Variants in FBXL17 observed in about 807,000 individuals in gnomAD.
FBXL17 encodes the protein F-box/LRR-repeat protein 17.
FBXL17 carries 22 observed loss-of-function variants against 66.2 expected under a neutral mutation model. The observed-to-expected ratio is 0.33, with a 90% confidence interval of 0.24 to 0.47. The LOEUF is 0.47. Ranked by LOEUF, FBXL17 falls within the 20% of genes least tolerant of loss-of-function variation. The pLI is 1.00. For synonymous variants in FBXL17, 474 were observed against 400.5 expected (o/e 1.18, Z -2.19); for missense variants, 878 against 948.2 (o/e 0.93, Z 0.97).
At chr5:108,017,867 C>A (rs1228539409) in intron 7 of FBXL17, among the ~76,000 whole-genome samples, 2 of 152,106 alleles carry the variant, frequency 1.3e-5, no homozygotes, top group Non-Finnish European at 2.9e-5. Context: ...AGCCTATTAG[C>A]ATGATCGTTT....
chr5:107,917,653 T>TGC (rs1171138039), intron 7 of FBXL17, among the ~76,000 whole-genome samples: 1 of 152,218 alleles, frequency 6.6e-6, no homozygotes, highest in African/African-American at 2.4e-5. Flanking sequence ...AAGAAACTAG[T>TGC]GCCAAGACGG....
intron 7 of FBXL17, among the ~76,000 whole-genome samples, chr5:107,965,425 T>C (rs996338433): frequency 2.0e-5 from 3 of 152,144 alleles, no homozygotes; most frequent in African/African-American, 4.8e-5. Context: ...ATTATAACAA[T>C]GCCTGTTAAA....
chr5:107,879,406 A>AGC, intron 8 of FBXL17: 1 of 985,460 alleles, frequency 1.0e-6, no homozygotes, highest in Non-Finnish European at 1.2e-6. Flanking sequence ...CAGGGTTAGC[A>AGC]GCGGCATTAG....
chr5:108,199,036 T>C (rs1245707151), intron 5 of FBXL17, among the ~76,000 whole-genome samples: 1 of 152,120 alleles, frequency 6.6e-6, no homozygotes, highest in African/African-American at 2.4e-5. Flanking sequence ...AAAACTGCTC[T>C]CTCAACCAAT....
chr5:108,104,721 CACA>C (rs1175251298), intron 6 of FBXL17, among the ~76,000 whole-genome samples: 1 of 152,146 alleles, frequency 6.6e-6, no homozygotes, highest in Non-Finnish European at 1.5e-5. Flanking sequence ...AAAGCAAGTG[CACA>C]ACAACATATA....
intron 5 of FBXL17, among the ~76,000 whole-genome samples, chr5:108,203,922 T>C (rs547480040): frequency 2.6e-5 from 4 of 152,298 alleles, no homozygotes; most frequent in Non-Finnish European, 5.9e-5. Flanking sequence ...TAAAAACATT[T>C]AACATTTCCA....
intron 7 of FBXL17, among the ~76,000 whole-genome samples, chr5:107,946,255 TTATATATATATATATA>T (rs55643516): frequency 0.012 from 483 of 40,384 alleles, 8 homozygotes; most frequent in East Asian, 0.036. Context: ...CAATCTCATT[TTATATATATATATATA>T]TATATATATA....
At chr5:108,025,708 C>A (rs1271906393) in intron 6 of FBXL17, among the ~76,000 whole-genome samples, 8 of 128,920 alleles carry the variant, frequency 6.2e-5, no homozygotes, top group African/African-American at 2.4e-4. Context: ...CACACAAACA[C>A]ACACACACAC....
At chr5:107,954,237 A>G (rs1415421111) in intron 7 of FBXL17, among the ~76,000 whole-genome samples, 1 of 152,274 alleles carries the variant, frequency 6.6e-6, no homozygotes, top group East Asian at 1.9e-4. Context: ...GAGAAAAGTT[A>G]TGCACAAAAT....
intron 6 of FBXL17, among the ~76,000 whole-genome samples, chr5:108,159,847 C>G (rs1012209659): frequency 1.3e-5 from 2 of 151,858 alleles, no homozygotes; most frequent in African/African-American, 4.8e-5. Context: ...AGCCAAAATC[C>G]CCTAAATACT....
chr5:108,258,950 T>C (rs1267831758), intron 4 of FBXL17, among the ~76,000 whole-genome samples: 2 of 152,064 alleles, frequency 1.3e-5, no homozygotes, highest in Non-Finnish European at 2.9e-5. Flanking sequence ...AAAGCTGTAA[T>C]ATGCTTTATC....
rs1748171490 is a variant in FBXL17, at chr5:107,863,035, C to T, written c.1966-1175G>A. On this transcript the variant is annotated intron_variant, in intron 8 of 8. Coordinates refer to ENST00000542267, the MANE Select transcript of FBXL17 (RefSeq NM_001163315.3). ...CATTTCTCTACTTAAGACTTGCTTG[C>T]GTTTAAGTGAACTTTTATTCCAAAT... 2.6e-5 allele frequency among the ~76,000 whole-genome samples: 4 copies of T among 151,428 alleles called. 1 individual carries two copies. Among genetic ancestry groups the T allele is most frequent in the South Asian group, 2.1e-4 (1 of 4,808 alleles).
intron 4 of FBXL17, among the ~76,000 whole-genome samples, chr5:108,343,147 C>T (rs182946833): frequency 2.0e-4 from 31 of 152,312 alleles, no homozygotes; most frequent in African/African-American, 7.2e-4. Context: ...ACTTGTCAGC[C>T]TCCAGATCTG....
intron 4 of FBXL17, among the ~76,000 whole-genome samples, chr5:108,257,322 T>C (rs1225347125): frequency 6.6e-6 from 1 of 152,146 alleles, no homozygotes; most frequent in East Asian, 1.9e-4. Context: ...GATTTCTGAT[T>C]ACTCATTGAA....
intron 4 of FBXL17, among the ~76,000 whole-genome samples, chr5:108,327,828 G>T (rs80124395): frequency 0.041 from 6,296 of 152,146 alleles, 755 homozygotes; most frequent in East Asian, 0.39. Flanking sequence ...GAAGAAAAAC[G>T]GCAGTTGGGA....
chr5:108,097,802 A>C (rs913685767), intron 6 of FBXL17, among the ~76,000 whole-genome samples: 1 of 142,710 alleles, frequency 7.0e-6, no homozygotes, highest in Non-Finnish European at 1.5e-5. Flanking sequence ...AAAAAAAATT[A>C]TATCTTCAGA....
At chr5:108,202,214 C>G (rs1561461781) in intron 5 of FBXL17, among the ~76,000 whole-genome samples, 1 of 152,046 alleles carries the variant, frequency 6.6e-6, no homozygotes, top group South Asian at 2.1e-4. Flanking sequence ...TTTGTTAGGA[C>G]TTTTATAAAC....
chr5:108,218,996 A>G (rs1754731851), intron 5 of FBXL17, among the ~76,000 whole-genome samples: 1 of 152,176 alleles, frequency 6.6e-6, no homozygotes, highest in Non-Finnish European at 1.5e-5. Flanking sequence ...GATAAACTCT[A>G]ATTAGGTCAT....
intron 4 of FBXL17, among the ~76,000 whole-genome samples, chr5:108,330,573 G>C (rs934684786): frequency 2.6e-5 from 4 of 151,978 alleles, no homozygotes; most frequent in African/African-American, 7.2e-5. Context: ...AACAAATATA[G>C]ATTTCCTAGA....
Sources: allele counts gnomAD v4.1 joint callset (sites outside exome capture counted in the v4.1 genomes callset), GRCh38; gene constraint gnomAD v4.1.1; transcripts MANE v1.5; gene names NCBI Gene and HGNC (gene_info 2026-07-23, HGNC 2026-07-21).